The following SOX5 variants were observed in gnomAD, a reference collection of about 807,000 sequenced individuals.
SOX5 encodes SRY-box transcription factor 5.
SOX5 carries 9 observed loss-of-function variants against 92.0 expected under a neutral mutation model. The ratio of observed to expected loss-of-function variants is 0.10; its 90% CI spans 0.06 to 0.17. The LOEUF (loss-of-function observed/expected upper bound fraction) is 0.17. SOX5 is among the 10% of genes least tolerant of loss of function. The probability of loss-of-function intolerance (pLI) is 1.00; values close to 1 mark genes in which losing one functional copy is unlikely to be tolerated. For synonymous variants in SOX5, 344 were observed against 336.3 expected, an observed-to-expected ratio of 1.02 and a Z score of -0.25; for missense variants, 642 against 944.5, an observed-to-expected ratio of 0.68 and a Z score of 4.20.
intron 4 of SOX5, among the ~76,000 whole-genome samples, chr12:24,002,922 T>C (rs1269395864): frequency 2.4e-5 from 3 of 123,554 alleles, no homozygotes; most frequent in Non-Finnish European, 5.4e-5. Flanking sequence ...ACACAAAAAT[T>C]TGAGCAATAT....
At chr12:23,859,090 GAAC>G (rs1265409179) in intron 2 of SOX5, among the ~76,000 whole-genome samples, 1 of 152,088 alleles carries the variant, frequency 6.6e-6, no homozygotes, top group Non-Finnish European at 1.5e-5. Flanking sequence ...ATGTGTGTTT[GAAC>G]AATATGAAAT....
At chr12:23,960,219 G>A (rs549185220) in intron 4 of SOX5, among the ~76,000 whole-genome samples, 1 of 151,986 alleles carries the variant, frequency 6.6e-6, no homozygotes, top group Non-Finnish European at 1.5e-5. Flanking sequence ...TACACAAGAA[G>A]AGAAAAAGTA....
At chr12:24,220,171 G>A (rs1960059185) in intron 3 of SOX5, among the ~76,000 whole-genome samples, 1 of 151,762 alleles carries the variant, frequency 6.6e-6, no homozygotes, top group Non-Finnish European at 1.5e-5. Flanking sequence ...AATTTCCAGT[G>A]ATAAAATAAG....
Position 23,530,912 on chromosome 12 carries a change from T to C in SOX5, c.*3307A>G, listed in dbSNP as rs1938932665. ...AAGAAAGCAGACAGGAAGGAGACTG[T>C]TTATGTTTTAGTTTGATCTTTTGAT... On this transcript the variant is annotated 3_prime_UTR_variant, in exon 15 of 15. Transcript: ENST00000451604. 6.6e-6 allele frequency: 1 copy of C among 151,166 alleles called. No homozygotes were observed. The highest frequency in any genetic ancestry group is 2.4e-5 in the African/African-American group (1 of 41,136). 9.4% of individuals were successfully genotyped at this position (151,166 alleles called of 1,614,324 possible).
intron 2 of SOX5, among the ~76,000 whole-genome samples, chr12:24,310,067 T>G (rs1595449833): frequency 1.3e-5 from 2 of 152,306 alleles, no homozygotes; most frequent in East Asian, 1.9e-4. Context: ...CAAGTGACAC[T>G]TCCCATCATA....
At chr12:24,215,389 A>G (rs1375190473) in intron 3 of SOX5, among the ~76,000 whole-genome samples, 1 of 152,166 alleles carries the variant, frequency 6.6e-6, no homozygotes, top group Admixed American at 6.5e-5. Context: ...GAGCTAAAGA[A>G]CAAGTTCAGT....
At chr12:23,961,097 G>A (rs920442523) in intron 4 of SOX5, among the ~76,000 whole-genome samples, 2 of 152,024 alleles carry the variant, frequency 1.3e-5, no homozygotes, top group African/African-American at 4.8e-5. Flanking sequence ...CCAGATAGCT[G>A]TTTTCAGATG....
chr12:24,526,821 CTTT>C, intron 1 of SOX5, among the ~76,000 whole-genome samples: 1 of 148,422 alleles, frequency 6.7e-6, no homozygotes, highest in East Asian at 2.0e-4. Context: ...TATCATATTT[CTTT>C]TTTTTTTTCT....
At chr12:23,698,115 A>T (rs563808557) in intron 6 of SOX5, among the ~76,000 whole-genome samples, 2 of 152,260 alleles carry the variant, frequency 1.3e-5, no homozygotes, top group African/African-American at 2.4e-5. Flanking sequence ...ATAACTTTTC[A>T]TGTAGAGTCT....
chr12:23,843,242 A>G (rs1290781328), intron 3 of SOX5, among the ~76,000 whole-genome samples: 1 of 152,180 alleles, frequency 6.6e-6, no homozygotes, highest in African/African-American at 2.4e-5. Context: ...AACTAAATAT[A>G]ATGTGTTACC....
chr12:23,585,039 A>C (rs968005714), intron 9 of SOX5, among the ~76,000 whole-genome samples: 8 of 152,140 alleles, frequency 5.3e-5, no homozygotes, highest in African/African-American at 1.9e-4. Context: ...TGGATAGTGG[A>C]GATTAATCAA....
rs776219045 is a variant in SOX5 at position 23,895,842 on chromosome 12, G to A, written c.221C>T (p.Thr74Met). 3.9e-5 allele frequency: 63 copies of A among 1,613,916 alleles called. 1 individual carries two copies. The highest frequency in any genetic ancestry group is 1.8e-4 in the South Asian group (16 of 91,094). The change falls in exon 2 of 15, where the codon ACG becomes ATG. Residue 74 changes from threonine (T) to methionine (M), a missense_variant. Coordinates refer to ENST00000451604, the MANE Select transcript of SOX5 (RefSeq NM_006940.6). ...AGTCCTATGGCCACAAGTCTCTTGC[G>A]TCAGCAGAGAAACTGGCTGAAATTC... ...SEEFQPVSLL[T>M]QETCGHRTPT...
chr12:24,377,534 T>C (rs1212541893), intron 1 of SOX5, among the ~76,000 whole-genome samples: 1 of 152,206 alleles, frequency 6.6e-6, no homozygotes, highest in Non-Finnish European at 1.5e-5. Flanking sequence ...AAAGTTGAAA[T>C]TGGAAGACAT....
At chr12:24,215,316 A>G (rs1959082503) in intron 3 of SOX5, among the ~76,000 whole-genome samples, 1 of 152,152 alleles carries the variant, frequency 6.6e-6, no homozygotes, top group Admixed American at 6.5e-5. Flanking sequence ...GATTATCGCT[A>G]TTTGTAGATA....
At chr12:23,598,808 G>T (rs759434243) in intron 9 of SOX5, among the ~76,000 whole-genome samples, 1 of 152,040 alleles carries the variant, frequency 6.6e-6, no homozygotes, top group South Asian at 2.1e-4. Flanking sequence ...CTGTATGTGC[G>T]GTTTGTATTC....
chr12:24,064,652 C>T (rs1161271000), intron 4 of SOX5, among the ~76,000 whole-genome samples: 2 of 152,018 alleles, frequency 1.3e-5, no homozygotes, highest in Non-Finnish European at 2.9e-5. Flanking sequence ...ATCTGTTCTC[C>T]TTATGAGACT....
chr12:23,575,907 G>A, intron 9 of SOX5, 69 bp from the exon 10 acceptor site: 1 of 1,184,864 alleles, frequency 8.4e-7, no homozygotes, highest in Non-Finnish European at 1.2e-6. Context: ...AAAAACACAG[G>A]TATGCAGCCT....
chr12:24,226,149 T>C (rs1961905767), intron 3 of SOX5, among the ~76,000 whole-genome samples: 1 of 152,116 alleles, frequency 6.6e-6, no homozygotes, highest in Non-Finnish European at 1.5e-5. Flanking sequence ...CGATCAAAAT[T>C]TACTTTTAAA....
chr12:23,911,081 T>C (rs1458375768), intron 1 of SOX5, among the ~76,000 whole-genome samples: 4 of 152,024 alleles, frequency 2.6e-5, no homozygotes, highest in African/African-American at 9.7e-5. Context: ...TACCTGCTAA[T>C]GTCATATTCA....
Sources: allele counts gnomAD v4.1 joint callset (sites outside exome capture counted in the v4.1 genomes callset), GRCh38; gene constraint gnomAD v4.1.1; transcripts MANE v1.5; gene names NCBI Gene and HGNC (gene_info 2026-07-23, HGNC 2026-07-21).